PIK3CA: variants seen among roughly 807,000 people sequenced by gnomAD.
The protein encoded by PIK3CA is phosphatidylinositol 4,5-bisphosphate 3-kinase catalytic subunit alpha isoform.
Under a neutral mutation model 138.2 loss-of-function variants are expected in PIK3CA, and 27 were observed. The ratio of observed to expected loss-of-function variants is 0.20; its 90% confidence interval spans 0.14 to 0.27. PIK3CA has a LOEUF of 0.27. Among genes scored for constraint, PIK3CA ranks in the 10% least tolerant of loss-of-function variants. The pLI, the probability that PIK3CA is intolerant of heterozygous loss-of-function variation, is 1.00. For synonymous variants in PIK3CA, 358 were observed against 413.2 expected (o/e 0.87, Z 1.62); for missense variants, 544 against 1,277.4 (o/e 0.43, Z 8.75).
intron 6 of PIK3CA, among the ~76,000 whole-genome samples, chr3:179,205,727 T>C (rs949533933): frequency 6.6e-6 from 1 of 152,218 alleles, no homozygotes; most frequent in Non-Finnish European, 1.5e-5. Context: ...TTTCTTTGCT[T>C]CTCTCTATAC....
rs1392256153 is a variant in PIK3CA at position 179,234,265 on chromosome 3, G to A, written c.3108G>A (p.Leu1036=). 6.2e-7 allele frequency: 1 copy of A among 1,613,522 alleles called. No individual in the cohort carries two copies. The highest frequency in any genetic ancestry group is 8.5e-7 in the Non-Finnish European group (1 of 1,179,696). The change falls in exon 21 of 21, where the codon TTG becomes TTA. Residue 1036 remains leucine, a synonymous_variant. Transcript: ENST00000263967. This position sits in a 1 kb window ranked among gnomAD's most constrained non-coding sequence, Gnocchi z 5.1. ...LALDKTEQEA[L]EYFMKQMNDA... is the part of the protein sequence containing the mutation. ...TAGATAAAACTGAGCAAGAGGCTTT[G>A]GAGTATTTCATGAAACAAATGAATG...
At chr3:179,163,376 G>T (rs1364003636) in intron 1 of PIK3CA, among the ~76,000 whole-genome samples, 1 of 152,076 alleles carries the variant, frequency 6.6e-6, no homozygotes, top group East Asian at 1.9e-4. Flanking sequence ...AAATAAGATT[G>T]GGGCATGGCA....
chr3:179,185,317 C>T (rs900867472), intron 1 of PIK3CA, among the ~76,000 whole-genome samples: 8 of 152,204 alleles, frequency 5.3e-5, no homozygotes, highest in African/African-American at 1.7e-4. Context: ...ATTTGAAAGA[C>T]ATATTGCTAA....
chr3:179,166,895 A>G (rs1723435129), intron 1 of PIK3CA, among the ~76,000 whole-genome samples: 1 of 152,156 alleles, frequency 6.6e-6, no homozygotes, highest in East Asian at 1.9e-4. Flanking sequence ...AATGTTAGCA[A>G]TGAAATATTT....
rs200934230 is a variant in PIK3CA at position 179,210,556 on chromosome 3, C to T, written c.1530C>T (p.His510=). ...VSREAGFSYS[H]AGLSNRLARD... is the part of the protein sequence containing the mutation. ...GAGAAGCAGGATTTAGCTATTCCCA[C>T]GCAGGACTGGTAAGGCAAATCACTG... is the stretch of plus-strand genomic sequence containing the variant. Residue 510 remains histidine, a synonymous_variant, in exon 9 of 21, where the codon CAC becomes CAT. Transcript: ENST00000263967. 5.0e-5 allele frequency: 80 copies of T among 1,613,508 alleles called. No individual in the cohort carries two copies. In the African/African-American group the frequency reaches 6.0e-4, roughly 12 times the overall value.
At chr3:179,215,327 T>A (rs1286555081) in intron 9 of PIK3CA, among the ~76,000 whole-genome samples, 2 of 152,214 alleles carry the variant, frequency 1.3e-5, no homozygotes, top group Non-Finnish European at 2.9e-5. Flanking sequence ...GAAATTTTAT[T>A]TCAAAGAAAA....
intron 1 of PIK3CA, among the ~76,000 whole-genome samples, chr3:179,148,983 G>A (rs371216867): frequency 5.9e-5 from 9 of 152,154 alleles, no homozygotes; most frequent in African/African-American, 1.7e-4. Context: ...CGGGTGGAGG[G>A]GCTGCCGCGA....
chr3:179,183,460 G>A (rs1339233481), intron 1 of PIK3CA, among the ~76,000 whole-genome samples: 1 of 152,150 alleles, frequency 6.6e-6, no homozygotes, highest in African/African-American at 2.4e-5. Flanking sequence ...GCAAGAAGCT[G>A]TTTATGGATT....
At chr3:179,184,804 G>A (rs1189716162) in intron 1 of PIK3CA, among the ~76,000 whole-genome samples, 1 of 152,128 alleles carries the variant, frequency 6.6e-6, no homozygotes, top group African/African-American at 2.4e-5. Flanking sequence ...GCTAACCCAA[G>A]TTTCACTTTA....
At chr3:179,217,543 A>G (rs1221143455) in intron 9 of PIK3CA, among the ~76,000 whole-genome samples, 1 of 152,074 alleles carries the variant, frequency 6.6e-6, no homozygotes, top group Non-Finnish European at 1.5e-5. Context: ...TATGTAACCC[A>G]TCCTAAGGGG....
In PIK3CA at chr3:179,204,533, G is replaced by T; in HGVS notation, c.1090G>T (p.Gly364Ter). Residue 364 changes from glycine (G) to a stop codon, truncating the protein, a stop_gained, in exon 6 of 21, where the codon GGA (glycine) becomes TGA (stop). Coordinates refer to ENST00000263967, the MANE Select transcript of PIK3CA (RefSeq NM_006218.4). LOFTEE classifies it high-confidence loss of function. ...TGTTCGAACAGGTATCTACCATGGAGGAGAACCCTTATGTGACAATGTGAA... is the reference window on the plus strand; with the variant it reads ...TGTTCGAACAGGTATCTACCATGGATGAGAACCCTTATGTGACAATGTGAA... ...IYVRTGIYHG[G>*]EPLCDNVNTQ... is the part of the protein sequence containing the mutation. 6.3e-7 allele frequency: 1 copy of T among 1,591,352 alleles called. No homozygotes were observed. Among genetic ancestry groups the T allele is most frequent in the Non-Finnish European group, 8.6e-7 (1 of 1,159,702 alleles).
intron 1 of PIK3CA, among the ~76,000 whole-genome samples, chr3:179,197,974 G>C (rs1027067250): frequency 5.3e-5 from 8 of 152,130 alleles, no homozygotes; most frequent in African/African-American, 1.9e-4. Context: ...AGAGAGTCAT[G>C]GATCTTATTT....
rs980444231 is a variant in PIK3CA, at chr3:179,198,770, A to G, written c.-56A>G. ...TTTAGGTTTCTGCTTTGGGACAACC[A>G]TACATCTAATTCCTTAAAGTAGTTT... On this transcript the variant is annotated 5_prime_UTR_variant, in exon 2 of 21. Transcript: ENST00000263967. 2.0e-6 allele frequency: 2 copies of G among 990,364 alleles called. No homozygotes were observed. Among genetic ancestry groups the G allele is most frequent in the African/African-American group, 1.6e-5 (1 of 61,368 alleles). 61.3% of individuals were successfully genotyped at this position (990,364 alleles called of 1,614,324 possible).
chr3:179,220,998 C>T lies in PIK3CA; in HGVS notation c.2028C>T (p.His676=), dbSNP rs1724953193. The T allele has an allele frequency of 3.7e-6, 6 of 1,611,040 alleles. No individual in the cohort carries two copies. In the East Asian group the frequency reaches 1.1e-4, roughly 30 times the overall value. Residue 676 remains histidine, a synonymous_variant, in exon 14 of 21, where the codon CAC becomes CAT. Coordinates refer to ENST00000263967, the MANE Select transcript of PIK3CA (RefSeq NM_006218.4). This position sits in a 1 kb window ranked among gnomAD's most constrained non-coding sequence, Gnocchi z 4.1. ...FFFWHLKSEM[H]NKTVSQRFGL... ...ACGATTCTTTTAGATCTGAGATGCA[C>T]AATAAAACAGTTAGCCAGAGGTTTG...
intron 3 of PIK3CA, 77 bp from the exon 4 acceptor site, chr3:179,201,213 A>G (rs1285074084): frequency 8.5e-7 from 1 of 1,176,204 alleles, no homozygotes; most frequent in East Asian, 2.3e-5. Flanking sequence ...AAGTAATGAT[A>G]GTGAATACTT....
intron 1 of PIK3CA, among the ~76,000 whole-genome samples, chr3:179,179,002 G>A (rs1344316067): frequency 6.6e-6 from 1 of 152,130 alleles, no homozygotes; most frequent in African/African-American, 2.4e-5. Flanking sequence ...AAACCATATT[G>A]TTATCATAAA....
chr3:179,178,011 G>A (rs1723742364), intron 1 of PIK3CA, among the ~76,000 whole-genome samples: 1 of 151,294 alleles, frequency 6.6e-6, no homozygotes, highest in African/African-American at 2.4e-5. Context: ...AGGCCAAGGT[G>A]GGAGGATCAT....
chr3:179,224,672 C>A, intron 15 of PIK3CA, 28 bp from the exon 16 acceptor site: 6 of 1,458,344 alleles, frequency 4.1e-6, no homozygotes, highest in South Asian at 1.4e-5. Context: ...AGCAAAGGTA[C>A]CTAGTAAAGT....
In PIK3CA at chr3:179,199,700, C is replaced by A; in HGVS notation, c.363C>A (p.Ile121=). 6.2e-7 allele frequency: 1 copy of A among 1,605,984 alleles called. No homozygotes were observed. Among genetic ancestry groups the A allele is most frequent in the Non-Finnish European group, 8.5e-7 (1 of 1,173,010 alleles). Residue 121 remains isoleucine, a synonymous_variant, in exon 3 of 21, where the codon ATC becomes ATA. Coordinates refer to ENST00000263967, the MANE Select transcript of PIK3CA (RefSeq NM_006218.4). ...GTAATTTTATTAAAGGTTTTGCTAT[C>A]GGCATGCCAGTGTGTGAATTTGATA... The part of the protein sequence containing the change: ...KILNREIGFA[I]GMPVCEFDMV...
Sources: gnomAD v4.1 joint callset for allele counts (sites outside exome capture counted in the v4.1 genomes callset) on GRCh38, gnomAD v4.1.1 for gene constraint, Gnocchi (gnomAD v3.1) non-coding constraint, MANE v1.5 for transcripts, NCBI Gene and HGNC (gene_info 2026-07-23, HGNC 2026-07-21) for gene names.